FBXO31: variants seen among roughly 807,000 people sequenced by gnomAD.
FBXO31 encodes F-box protein 31.
In FBXO31, 24 loss-of-function variants were observed where a neutral mutation model predicts 54.4. The ratio of observed to expected loss-of-function variants is 0.44; its 90% CI spans 0.32 to 0.62. The LOEUF (loss-of-function observed/expected upper bound fraction) is 0.62. Among genes scored for constraint, FBXO31 ranks in the 20% least tolerant of loss-of-function variants. The pLI is 0.05. For missense variants in FBXO31, 665 were observed against 787.1 expected (o/e 0.84, Z 1.86); for synonymous variants, 388 against 335.6 (o/e 1.16, Z -1.71).
intron 1 of FBXO31, among the ~76,000 whole-genome samples, chr16:87,378,936 A>T (rs12600054): frequency 0.43 from 63,340 of 148,242 alleles, 16,436 homozygotes; most frequent in East Asian, 1. Context: ...CACTCCAGCC[A>T]GGGCGACAAA....
At chr16:87,349,980 G>A (rs2150678946) in intron 2 of FBXO31, among the ~76,000 whole-genome samples, 1 of 151,998 alleles carries the variant, frequency 6.6e-6, no homozygotes, top group Middle Eastern at 3.4e-3. Flanking sequence ...TTAGAAAAAG[G>A]AAACCTAAAG....
In FBXO31 at chr16:87,358,718, G is replaced by A. The variant is rs765785053; in HGVS notation, c.412+1577C>T. Among the ~76,000 whole-genome samples the A allele has an allele frequency of 4.6e-5, 7 of 152,144 alleles. No individual in the cohort carries two copies. Among genetic ancestry groups the A allele is most frequent in the Non-Finnish European group, 1.0e-4 (7 of 68,032 alleles). On this transcript the variant is annotated intron_variant, in intron 2 of 8. Coordinates refer to ENST00000311635, the MANE Select transcript of FBXO31 (RefSeq NM_024735.5). The surrounding 1 kb of genome is among the most constrained non-coding windows in gnomAD (Gnocchi z 4.0). ...ATCAGTGGTGCCACCAGAAACTCAC[G>A]GTGGCAGCAAGCTTGGAAATCCTTT...
At chr16:87,387,260 C>T (rs560283153), upstream of FBXO31, among the ~76,000 whole-genome samples, 30 of 152,262 alleles carry the variant, frequency 2.0e-4, no homozygotes, top group African/African-American at 7.0e-4. Flanking sequence ...CAGCTGAATA[C>T]GTCCTTGGAA....
chr16:87,380,853 G>C (rs541630629), intron 1 of FBXO31, among the ~76,000 whole-genome samples: 60 of 152,284 alleles, frequency 3.9e-4, no homozygotes, highest in Middle Eastern at 3.4e-3. Context: ...TCACATTTCT[G>C]TTAGTAATTC....
intron 1 of FBXO31, among the ~76,000 whole-genome samples, chr16:87,382,119 A>G (rs1386579977): frequency 6.6e-6 from 1 of 152,158 alleles, no homozygotes; most frequent in African/African-American, 2.4e-5. Context: ...AAATGCACAA[A>G]GCAGTCTTCA....
At chr16:87,372,455 G>T (rs1212749011) in intron 1 of FBXO31, among the ~76,000 whole-genome samples, 7 of 152,196 alleles carry the variant, frequency 4.6e-5, no homozygotes, top group Admixed American at 1.3e-4. Flanking sequence ...CTCAGTCATG[G>T]TGTTGCTACT....
intron 1 of FBXO31, among the ~76,000 whole-genome samples, chr16:87,382,044 G>T (rs972084014): frequency 3.2e-5 from 4 of 125,888 alleles, no homozygotes; most frequent in Non-Finnish European, 7.0e-5. Context: ...AAAGAAGGAA[G>T]TGCATCCCAC....
chr16:87,370,618 G>A (rs941830652), intron 1 of FBXO31, among the ~76,000 whole-genome samples: 2 of 152,154 alleles, frequency 1.3e-5, no homozygotes, highest in African/African-American at 4.8e-5. Flanking sequence ...CCCTGGGCAT[G>A]CAGGCAGGGA....
At chr16:87,368,642 G>A (rs941727046) in intron 1 of FBXO31, among the ~76,000 whole-genome samples, 1 of 83,096 alleles carries the variant, frequency 1.2e-5, no homozygotes, top group African/African-American at 4.8e-5. Context: ...TTTTTTTTTT[G>A]CCTTTATAAG....
intron 1 of FBXO31, among the ~76,000 whole-genome samples, chr16:87,378,589 T>C (rs1290196344): frequency 6.6e-6 from 1 of 152,214 alleles, no homozygotes; most frequent in African/African-American, 2.4e-5. Flanking sequence ...GGGAAGCACC[T>C]AGCAAAACTG....
rs549007348 is a variant in FBXO31, at chr16:87,335,105, C to T, written c.996+199G>A. Among the ~76,000 whole-genome samples the T allele has an allele frequency of 1.1e-3, 174 of 152,310 alleles. No individual in the cohort carries two copies. The highest frequency in any genetic ancestry group is 4.0e-3 in the African/African-American group (165 of 41,574). Reference sequence around the variant, plus strand: ...AAGCACACAGACTCCCTGAGGGTCTCGTGGAAATGCAATTCTGGTTCAGTG... The same window carrying T: ...AAGCACACAGACTCCCTGAGGGTCTTGTGGAAATGCAATTCTGGTTCAGTG... On this transcript the variant is annotated intron_variant, in intron 7 of 8. Transcript: ENST00000311635. The surrounding 1 kb of genome is among the most constrained non-coding windows in gnomAD (Gnocchi z 5.7).
rs1905103079 is a variant in FBXO31, at chr16:87,338,643, C to G, written c.733-2379G>C. On this transcript the variant is annotated intron_variant, in intron 5 of 8. Coordinates refer to ENST00000311635, the MANE Select transcript of FBXO31 (RefSeq NM_024735.5). This position sits in a 1 kb window ranked among gnomAD's most constrained non-coding sequence, Gnocchi z 4.3. ...ACATCATCAGATCATGCCAGTGACG[C>G]AGCCTGGGTACAAGGAATGGCCTCC... is the stretch of plus-strand genomic sequence containing the variant. Among the ~76,000 whole-genome samples the G allele has an allele frequency of 6.6e-6, 1 of 152,196 alleles. No homozygotes were observed. Among genetic ancestry groups the G allele is most frequent in the Admixed American group, 6.5e-5 (1 of 15,286 alleles).
chr16:87,337,491 C>T (rs1051544359), intron 5 of FBXO31, among the ~76,000 whole-genome samples: 6 of 152,162 alleles, frequency 3.9e-5, no homozygotes, highest in African/African-American at 1.2e-4. Context: ...ATCAGGAAAA[C>T]GAAGAGCAAA....
intron 2 of FBXO31, among the ~76,000 whole-genome samples, chr16:87,352,835 C>T (rs934730445): frequency 1.3e-5 from 2 of 152,174 alleles, no homozygotes; most frequent in Admixed American, 1.3e-4. Context: ...GGGAAAGTAC[C>T]GTGAAAGGTG....
chr16:87,336,071 G>C lies in FBXO31; in HGVS notation c.842+84C>G. ...AGCACCCACTGAGACAAAGGACTATGCCCCAGCACCCACCGGGACAGGGCT... is the reference window on the plus strand; with the variant it reads ...AGCACCCACTGAGACAAAGGACTATCCCCCAGCACCCACCGGGACAGGGCT... On this transcript the variant is annotated intron_variant, in intron 6 of 8. Transcript: ENST00000311635. The surrounding 1 kb of genome is among the most constrained non-coding windows in gnomAD (Gnocchi z 6.5). 8.7e-7 allele frequency: 1 copy of C among 1,148,152 alleles called. No individual in the cohort carries two copies. Among genetic ancestry groups the C allele is most frequent in the Admixed American group, 2.0e-5 (1 of 49,794 alleles). The allele number at this position is 1,148,152 out of a possible 1,614,324, so 71.1% of individuals were successfully genotyped here.
intron 1 of FBXO31, among the ~76,000 whole-genome samples, chr16:87,364,506 GA>G (rs1906271540): frequency 6.6e-6 from 1 of 152,174 alleles, no homozygotes; most frequent in Admixed American, 6.5e-5. Flanking sequence ...TGTCAATGTG[GA>G]AGTCAGAATG....
intron 1 of FBXO31, among the ~76,000 whole-genome samples, chr16:87,365,621 C>A (rs756804225): frequency 1.3e-5 from 2 of 152,196 alleles, no homozygotes; most frequent in African/African-American, 4.8e-5. Context: ...TCTGCCCATG[C>A]GGCCCACCAT....
chr16:87,337,475 C>T (rs1242919855), intron 5 of FBXO31, among the ~76,000 whole-genome samples: 1 of 152,220 alleles, frequency 6.6e-6, no homozygotes, highest in Admixed American at 6.5e-5. Context: ...CTGGGACAGA[C>T]AGGCCATCAG....
intron 1 of FBXO31, among the ~76,000 whole-genome samples, chr16:87,380,038 G>A (rs1388118728): frequency 6.9e-6 from 1 of 144,966 alleles, no homozygotes; most frequent in African/African-American, 2.5e-5. Flanking sequence ...GGTGGCTCAC[G>A]CCTGTAATCC....
Sources: gnomAD v4.1 joint callset for allele counts (sites outside exome capture counted in the v4.1 genomes callset) on GRCh38, gnomAD v4.1.1 for gene constraint, Gnocchi (gnomAD v3.1) non-coding constraint, MANE v1.5 for transcripts, NCBI Gene and HGNC (gene_info 2026-07-23, HGNC 2026-07-21) for gene names.